ADAMTS6: variants seen among roughly 807,000 people sequenced by gnomAD.
ADAMTS6 encodes ADAM metallopeptidase with thrombospondin type 1 motif 6.
Under a neutral mutation model 144.3 loss-of-function variants are expected in ADAMTS6, and 23 were observed. That is an observed-to-expected ratio of 0.16 (90% CI 0.11 to 0.23). The LOEUF (loss-of-function observed/expected upper bound fraction) is 0.23, where lower values mean the gene tolerates loss of function less well. ADAMTS6 is among the 10% of genes least tolerant of loss of function. The pLI is 1.00. For synonymous variants in ADAMTS6, 444 were observed against 457.5 expected, an observed-to-expected ratio of 0.97 and a Z score of 0.38; for missense variants, 999 against 1,379.6, an observed-to-expected ratio of 0.72 and a Z score of 4.37.
chr5:65,464,032 A>G (rs1391734136), intron 3 of ADAMTS6, among the ~76,000 whole-genome samples: 1 of 152,164 alleles, frequency 6.6e-6, no homozygotes, highest in Non-Finnish European at 1.5e-5. Flanking sequence ...GCATTTATCT[A>G]TTGATCCCAA....
At position 65,230,287 on chromosome 5, in the gene ADAMTS6, CATATATATATATATATATATATATGAA is replaced by C. The variant is rs1758052126; in HGVS notation, c.1934-4095_1934-4069del. On this transcript the variant is annotated intron_variant, in intron 15 of 24. Coordinates refer to ENST00000381055, the MANE Select transcript of ADAMTS6 (RefSeq NM_197941.4). ...TAATCACAAAGCAAAATACCTAAAG[CATATATATATATATATATATATATGAA>C]ATATATATAATACATTATATATATG... is the stretch of plus-strand genomic sequence containing the variant. Among the ~76,000 whole-genome samples the C allele has an allele frequency of 3.1e-5, 2 of 64,968 alleles. 1 individual carries two copies. The highest frequency in any genetic ancestry group is 5.2e-5 in the Non-Finnish European group (2 of 38,488). The allele number at this position is 64,968 out of a possible 152,430, so 42.6% of individuals were successfully genotyped here. A position where few individuals can be genotyped will look rare whatever the true frequency, so the allele number is the denominator to read the frequency against.
intron 9 of ADAMTS6, among the ~76,000 whole-genome samples, chr5:65,314,574 C>G (rs1017390306): frequency 7.2e-5 from 11 of 151,888 alleles, no homozygotes; most frequent in African/African-American, 2.7e-4. Context: ...TAGGTAAATA[C>G]CAAAAAATCT....
At chr5:65,277,097 C>T (rs1014657397) in intron 11 of ADAMTS6, among the ~76,000 whole-genome samples, 1 of 151,970 alleles carries the variant, frequency 6.6e-6, no homozygotes, top group Non-Finnish European at 1.5e-5. Flanking sequence ...ATCCACAGTC[C>T]CCACTAAAGG....
intron 7 of ADAMTS6, among the ~76,000 whole-genome samples, chr5:65,434,443 T>C (rs537345072): frequency 6.6e-6 from 1 of 152,298 alleles, no homozygotes; most frequent in South Asian, 2.1e-4. Context: ...GTGAATTGTA[T>C]GGTGTGTAAA....
chr5:65,327,180 C>T (rs2150053493), intron 9 of ADAMTS6, among the ~76,000 whole-genome samples: 1 of 152,268 alleles, frequency 6.6e-6, no homozygotes, highest in South Asian at 2.1e-4. Flanking sequence ...GCACTGGCTC[C>T]TGCTTTGCCT....
chr5:65,409,069 C>G (rs1286787091), intron 7 of ADAMTS6, among the ~76,000 whole-genome samples: 1 of 152,076 alleles, frequency 6.6e-6, no homozygotes, highest in Non-Finnish European at 1.5e-5. Flanking sequence ...AATGGACACC[C>G]TAACATCACG....
intron 24 of ADAMTS6, among the ~76,000 whole-genome samples, chr5:65,167,049 A>AAAT (rs1253224122): frequency 1.4e-5 from 2 of 146,254 alleles, no homozygotes; most frequent in African/African-American, 5.1e-5. Context: ...GAACTGAAGG[A>AAAT]AATAGAGACA....
intron 11 of ADAMTS6, among the ~76,000 whole-genome samples, chr5:65,284,377 A>G (rs1763208549): frequency 6.6e-6 from 1 of 152,044 alleles, no homozygotes; most frequent in Non-Finnish European, 1.5e-5. Context: ...ATATTAAGAA[A>G]ATAATCTATG....
intron 21 of ADAMTS6, among the ~76,000 whole-genome samples, chr5:65,196,521 T>TAAAAAAAA (rs1755378873): frequency 2.7e-4 from 1 of 3,772 alleles, no homozygotes; most frequent in Non-Finnish European, 4.9e-4. Flanking sequence ...AGACTCCGTC[T>TAAAAAAAA]CAAAAAAAAA....
chr5:65,399,929 C>T (rs1203839595), intron 7 of ADAMTS6, among the ~76,000 whole-genome samples: 1 of 152,124 alleles, frequency 6.6e-6, no homozygotes, highest in African/African-American at 2.4e-5. Flanking sequence ...ACATTTCTTG[C>T]AAGGCAGATC....
At chr5:65,358,576 C>G (rs1325430189) in intron 7 of ADAMTS6, among the ~76,000 whole-genome samples, 1 of 151,952 alleles carries the variant, frequency 6.6e-6, no homozygotes, top group African/African-American at 2.4e-5. Flanking sequence ...CCACAGCAAC[C>G]TTGAATAAAA....
chr5:65,443,113 T>C (rs1757994403), intron 7 of ADAMTS6, among the ~76,000 whole-genome samples: 1 of 152,222 alleles, frequency 6.6e-6, no homozygotes, highest in South Asian at 2.1e-4. Context: ...ATGTCTCTGC[T>C]ATTGTGAATA....
intron 9 of ADAMTS6, among the ~76,000 whole-genome samples, chr5:65,328,816 A>G (rs1159105558): frequency 6.6e-6 from 1 of 152,078 alleles, no homozygotes; most frequent in Non-Finnish European, 1.5e-5. Context: ...CCTTTGGCAC[A>G]GGTTCACTTA....
chr5:65,200,499 C>G (rs10940018), intron 20 of ADAMTS6, among the ~76,000 whole-genome samples: 2 of 151,892 alleles, frequency 1.3e-5, no homozygotes, highest in African/African-American at 2.4e-5. Context: ...TCCAGTTACA[C>G]GAAACCACGA....
At chr5:65,411,664 T>G (rs1755064630) in intron 7 of ADAMTS6, among the ~76,000 whole-genome samples, 2 of 152,212 alleles carry the variant, frequency 1.3e-5, no homozygotes, top group African/African-American at 4.8e-5. Flanking sequence ...TGCTGCATCT[T>G]CTTGCTGATT....
At chr5:65,363,282 T>G (rs7729415) in intron 7 of ADAMTS6, among the ~76,000 whole-genome samples, 7,669 of 152,238 alleles carry the variant, frequency 0.05, 654 homozygotes, top group African/African-American at 0.17. Flanking sequence ...CAAATATGGT[T>G]ATTTCTATTT....
intron 9 of ADAMTS6, among the ~76,000 whole-genome samples, chr5:65,321,706 T>TC (rs1220940348): frequency 1.4e-5 from 2 of 140,550 alleles, no homozygotes; most frequent in Non-Finnish European, 3.1e-5. Context: ...CTTTTTCTTT[T>TC]CCTTTTTTTT....
chr5:65,215,384 T>C lies in ADAMTS6; in HGVS notation c.2376A>G (p.Pro792=). The change falls in exon 19 of 25, where the codon CCA becomes CCG. Residue 792 remains proline (P), a synonymous_variant. Transcript: ENST00000381055. ...VAGTAFHYKR[P]TDEPESLEAL... ...CTTCCAAGGATTCTGGTTCATCAGTTGGTCTCTTGTAATGAAAAGCTGTCC... is the reference window on the plus strand; with the variant it reads ...CTTCCAAGGATTCTGGTTCATCAGTCGGTCTCTTGTAATGAAAAGCTGTCC... 1 of 1,614,142 alleles carries C rather than the reference T, an allele frequency of 6.2e-7. No individual in the cohort carries two copies. The highest frequency in any genetic ancestry group is 1.3e-5 in the African/African-American group (1 of 75,058).
Position 65,384,211 on chromosome 5 carries a change from A to G in ADAMTS6, c.1074-50126T>C, listed in dbSNP as rs375666667. Among the ~76,000 whole-genome samples the G allele has an allele frequency of 1.9e-4, 29 of 152,104 alleles. 1 individual carries two copies. Among genetic ancestry groups the G allele is most frequent in the East Asian group, 7.7e-4 (4 of 5,190 alleles). On this transcript the variant is annotated intron_variant, in intron 7 of 24. Transcript: ENST00000381055. The stretch of plus-strand genomic sequence containing the variant: ...CCACACCCTTACTGTTCTCCCCCAA[A>G]CATTTTTCATTCTTTACCATATAGC...
Sources: allele counts gnomAD v4.1 joint callset (sites outside exome capture counted in the v4.1 genomes callset), GRCh38; gene constraint gnomAD v4.1.1; transcripts MANE v1.5; gene names NCBI Gene and HGNC (gene_info 2026-07-23, HGNC 2026-07-21).